Variants in CDKL4 observed in about 807,000 individuals in gnomAD.
CDKL4 encodes the protein cyclin dependent kinase like 4, also known as cyclin-dependent kinase-like 4.
Under a neutral mutation model 42.0 loss-of-function variants are expected in CDKL4, and 44 were observed. That is an observed-to-expected ratio of 1.05 (90% CI 0.82 to 1.35). The LOEUF (loss-of-function observed/expected upper bound fraction) is 1.35, where lower values mean the gene tolerates loss of function less well. CDKL4 is among the 40% of genes most tolerant of loss of function. The pLI, the probability that CDKL4 is intolerant of heterozygous loss-of-function variation, is 0.00. For missense variants in CDKL4, 393 were observed against 369.9 expected (o/e 1.06, Z -0.51); for synonymous variants, 120 against 121.6 (o/e 0.99, Z 0.09).
At chr2:39,178,933 T>C in intron 9 of CDKL4, 2 of 1,447,986 alleles carry the variant, frequency 1.4e-6, no homozygotes, top group South Asian at 1.5e-5. Context: ...GGATATCCAA[T>C]CAGAGCAGCC....
chr2:39,223,905 C>T (rs963231208), intron 3 of CDKL4, among the ~76,000 whole-genome samples: 2 of 152,028 alleles, frequency 1.3e-5, no homozygotes, highest in African/African-American at 4.8e-5. Flanking sequence ...GCCTCCTTCT[C>T]TTTTTTAATG....
intron 3 of CDKL4, among the ~76,000 whole-genome samples, chr2:39,221,167 C>G (rs1166411547): frequency 6.6e-6 from 1 of 151,448 alleles, no homozygotes; most frequent in Non-Finnish European, 1.5e-5. Flanking sequence ...GTGCCCGCCA[C>G]CACGCCTGGC....
At chr2:39,174,170 C>T (rs1190428514), downstream of CDKL4, among the ~76,000 whole-genome samples, 2 of 151,738 alleles carry the variant, frequency 1.3e-5, no homozygotes, top group Admixed American at 6.6e-5. Flanking sequence ...TTTGGGAGGC[C>T]GAGGTGGGAG....
At chr2:39,222,470 G>C (rs1423635133) in intron 3 of CDKL4, among the ~76,000 whole-genome samples, 1 of 151,922 alleles carries the variant, frequency 6.6e-6, no homozygotes, top group South Asian at 2.1e-4. Flanking sequence ...GGTCCCTGTA[G>C]TCCCAGGTAT....
At chr2:39,186,223 A>G (rs907540941) in intron 7 of CDKL4, among the ~76,000 whole-genome samples, 4 of 152,210 alleles carry the variant, frequency 2.6e-5, no homozygotes, top group Admixed American at 1.3e-4. Flanking sequence ...AACAAAGACA[A>G]TAAAAAAGAA....
upstream of CDKL4, among the ~76,000 whole-genome samples, chr2:39,244,059 C>A (rs1320995170): frequency 6.6e-6 from 1 of 152,198 alleles, no homozygotes; most frequent in Admixed American, 6.5e-5. Flanking sequence ...GGAGCGGGTT[C>A]CCCTGGCGCT....
rs185442800 is a variant in CDKL4 at position 39,212,273 on chromosome 2, G to A, written c.363+1127C>T. Among the ~76,000 whole-genome samples, 206 of 148,242 alleles carry A rather than the reference G, an allele frequency of 1.4e-3. 3 individuals carry two copies. The East Asian group carries it at 0.021, about 15-fold the overall frequency. On this transcript the variant is annotated intron_variant, in intron 4 of 9. Transcript: ENST00000451199. ...TTTTGAGACAGAGTCTCACACTGTCGCCCAGGCTGGAGTGCAGTGGCACGA... is the reference window on the plus strand; with the variant it reads ...TTTTGAGACAGAGTCTCACACTGTCACCCAGGCTGGAGTGCAGTGGCACGA...
chr2:39,172,904 T>C (rs1181129277), downstream of CDKL4, among the ~76,000 whole-genome samples: 1 of 152,162 alleles, frequency 6.6e-6, no homozygotes, highest in Middle Eastern at 3.2e-3. Context: ...TTCATGGTAA[T>C]ATGACTATAT....
At chr2:39,219,284 A>G (rs1678154899) in intron 3 of CDKL4, among the ~76,000 whole-genome samples, 1 of 152,246 alleles carries the variant, frequency 6.6e-6, no homozygotes, top group African/African-American at 2.4e-5. Flanking sequence ...TGTGGGAAAC[A>G]ATCCAAGGCT....
intron 1 of CDKL4, among the ~76,000 whole-genome samples, chr2:39,240,147 C>A (rs532548675): frequency 6.6e-6 from 1 of 151,674 alleles, no homozygotes; most frequent in South Asian, 2.1e-4. Context: ...TGGTGGCTCA[C>A]GCCTGTAATC....
At chr2:39,240,678 A>T (rs923444283) in intron 1 of CDKL4, among the ~76,000 whole-genome samples, 7 of 132,522 alleles carry the variant, frequency 5.3e-5, no homozygotes, top group African/African-American at 1.9e-4. Flanking sequence ...GATGAACATT[A>T]AAAAAAAAAA....
At position 39,213,319 on chromosome 2, in the gene CDKL4, C is replaced by T. The variant is rs1677697773; in HGVS notation, c.363+81G>A. 4 of 960,210 alleles carry T rather than the reference C, an allele frequency of 4.2e-6. No individual in the cohort carries two copies. The Admixed American group carries it at 6.2e-5, about 15-fold the overall frequency. 59.5% of individuals were successfully genotyped at this position (960,210 alleles called of 1,614,324 possible). ...TCTTACTTTCCCTTTGTCTTCAGCT[C>T]TCCAAACAAAACCCTGAGCTATTTA... is the stretch of plus-strand genomic sequence containing the variant. On this transcript the variant is annotated intron_variant, in intron 4 of 9. Transcript: ENST00000451199.
At chr2:39,203,441 A>G (rs1676976441) in intron 5 of CDKL4, among the ~76,000 whole-genome samples, 1 of 152,094 alleles carries the variant, frequency 6.6e-6, no homozygotes, top group South Asian at 2.1e-4. Context: ...GTGGTATATA[A>G]TGGATTTCCA....
At chr2:39,209,696 G>C (rs573013310) in intron 4 of CDKL4, among the ~76,000 whole-genome samples, 2 of 152,256 alleles carry the variant, frequency 1.3e-5, no homozygotes, top group African/African-American at 4.8e-5. Flanking sequence ...TTAGGATCTC[G>C]ACTCTGGAGA....
At chr2:39,216,809 G>A (rs1457505334) in intron 3 of CDKL4, among the ~76,000 whole-genome samples, 1 of 152,164 alleles carries the variant, frequency 6.6e-6, no homozygotes, top group Non-Finnish European at 1.5e-5. Flanking sequence ...CCAATTACTA[G>A]CCTTAATAAC....
chr2:39,241,768 G>A (rs964633456), intron 1 of CDKL4, among the ~76,000 whole-genome samples: 1 of 152,076 alleles, frequency 6.6e-6, no homozygotes, highest in Non-Finnish European at 1.5e-5. Flanking sequence ...CTATGTTAAC[G>A]ACTTCCTTTC....
chr2:39,225,446 TA>T (rs34815134), intron 3 of CDKL4, among the ~76,000 whole-genome samples: 1 of 151,158 alleles, frequency 6.6e-6, no homozygotes, highest in Non-Finnish European at 1.5e-5. Flanking sequence ...TGCTAGGGAT[TA>T]AAAAAAAATC....
intron 5 of CDKL4, 67 bp from the exon 6 acceptor site, chr2:39,190,569 A>C: frequency 2.2e-6 from 3 of 1,367,514 alleles, no homozygotes; most frequent in Admixed American, 3.4e-5. Context: ...CCAAGAACAC[A>C]TCAGGCATTC....
chr2:39,212,156 A>C (rs752247283), intron 4 of CDKL4, among the ~76,000 whole-genome samples: 1 of 152,188 alleles, frequency 6.6e-6, no homozygotes, highest in Non-Finnish European at 1.5e-5. Context: ...GGGCCCAGGA[A>C]GCTGTGTTTT....
Sources: allele counts gnomAD v4.1 joint callset (sites outside exome capture counted in the v4.1 genomes callset), GRCh38; gene constraint gnomAD v4.1.1; transcripts MANE v1.5; gene names NCBI Gene and HGNC (gene_info 2026-07-23, HGNC 2026-07-21).